GGT7: variants seen among roughly 807,000 people sequenced by gnomAD.
GGT7 encodes the protein gamma-glutamyltransferase 7.
Under a neutral mutation model 69.2 loss-of-function variants are expected in GGT7, and 30 were observed. The ratio of observed to expected loss-of-function variants is 0.43; its 90% confidence interval spans 0.32 to 0.59. GGT7 has a LOEUF of 0.59. Among genes scored for constraint, GGT7 ranks in the 20% least tolerant of loss-of-function variants. GGT7 has a pLI of 0.05. For missense variants in GGT7, 733 were observed against 901.1 expected, an observed-to-expected ratio of 0.81 and a Z score of 2.39; for synonymous variants, 388 against 391.8, an observed-to-expected ratio of 0.99 and a Z score of 0.12.
chr20:34,859,670 C>T (rs367924034), intron 6 of GGT7, 31 bp from the exon 7 acceptor site: 39 of 1,534,544 alleles, frequency 2.5e-5, no homozygotes, highest in East Asian at 1.4e-4. Flanking sequence ...CTGGGCAGGG[C>T]GGGACGCCAG....
intron 6 of GGT7, 80 bp downstream of exon 6, chr20:34,859,889 T>G: frequency 9.4e-7 from 1 of 1,066,822 alleles, no homozygotes. Context: ...AGGGCCTCTC[T>G]GGCTTGGGCT....
rs1173282356 is a variant in GGT7 at position 34,863,659 on chromosome 20, G to T, written c.170-111C>A. 5 of 758,680 alleles carry T rather than the reference G, an allele frequency of 6.6e-6. No homozygotes were observed. Among genetic ancestry groups the T allele is most frequent in the African/African-American group, 1.7e-5 (1 of 58,160 alleles). 47.0% of individuals were successfully genotyped at this position (758,680 alleles called of 1,614,324 possible). The stretch of plus-strand genomic sequence containing the variant: ...GCCCCGCCCCTGCCACACAATCCCC[G>T]CACTGGCTAGCACTACTCACCTTTC... On this transcript the variant is annotated intron_variant, in intron 1 of 14. Coordinates refer to ENST00000336431, the MANE Select transcript of GGT7 (RefSeq NM_178026.3). This position sits in a 1 kb window ranked among gnomAD's most constrained non-coding sequence, Gnocchi z 4.4.
At position 34,863,109 on chromosome 20, in the gene GGT7, T is replaced by G. The variant is rs961413690; in HGVS notation, c.406-144A>C. 3.6e-6 allele frequency: 3 copies of G among 834,896 alleles called. No individual in the cohort carries two copies. The highest frequency in any genetic ancestry group is 1.7e-5 in the South Asian group (1 of 57,710). The allele number at this position is 834,896 out of a possible 1,614,324, so 51.7% of individuals were successfully genotyped here. On this transcript the variant is annotated intron_variant, in intron 2 of 14. Transcript: ENST00000336431. The surrounding 1 kb of genome is among the most constrained non-coding windows in gnomAD (Gnocchi z 4.4). ...TTGACTCTGCCCTCATTACCCCAAG[T>G]GCCTCCTAATGGATCTGTCCTTATT...
At chr20:34,861,403 G>A in intron 4 of GGT7, 42 bp downstream of exon 4, 5 of 993,326 alleles carry the variant, frequency 5.0e-6, no homozygotes, top group Non-Finnish European at 7.5e-6. Flanking sequence ...GGGCAATGAA[G>A]AGAGACTCCC....
In GGT7 at chr20:34,863,358, A is replaced by T. The variant is rs1342003669; in HGVS notation, c.360T>A (p.Gly120=). The T allele has an allele frequency of 3.7e-6, 6 of 1,613,574 alleles. No homozygotes were observed. The highest frequency in any genetic ancestry group is 5.1e-6 in the Non-Finnish European group (6 of 1,179,872). ...IVTACLTFAT[G]VTVALVMQIY... ...TCTGCATGACCAGCGCCACGGTGAC[A>T]CCGGTAGCGAAGGTGAGACAGGCCG... is the stretch of plus-strand genomic sequence containing the variant. The change falls in exon 2 of 15, where the codon GGT becomes GGA. Residue 120 remains glycine (G), a synonymous_variant. Transcript: ENST00000336431. The surrounding 1 kb of genome is among the most constrained non-coding windows in gnomAD (Gnocchi z 4.4).
At chr20:34,868,681 G>C (rs1164449053) in intron 1 of GGT7, among the ~76,000 whole-genome samples, 1 of 152,158 alleles carries the variant, frequency 6.6e-6, no homozygotes, top group African/African-American at 2.4e-5. Flanking sequence ...AGGTACCTCT[G>C]TGCAGTAACA....
chr20:34,853,805 G>A (rs1025004687), intron 10 of GGT7, among the ~76,000 whole-genome samples: 1 of 152,188 alleles, frequency 6.6e-6, no homozygotes, highest in African/African-American at 2.4e-5. Flanking sequence ...ACTTGCCCAA[G>A]GCTGCACAGC....
chr20:34,869,111 G>T (rs191701314), intron 1 of GGT7, among the ~76,000 whole-genome samples: 6 of 152,008 alleles, frequency 3.9e-5, no homozygotes, highest in African/African-American at 1.4e-4. Context: ...GTCATCCCTG[G>T]CTTGTTGTTT....
At position 34,860,062 on chromosome 20, in the gene GGT7, G is replaced by A. The variant is rs760341678; in HGVS notation, c.744-20C>T. ...GGCAGCCTGGGGGGGCCGGAGAGCA[G>A]GGGGTGGAGGAGGTCCTGGGGGAAT... On this transcript the variant is annotated intron_variant, in intron 5 of 14. Coordinates refer to ENST00000336431, the MANE Select transcript of GGT7 (RefSeq NM_178026.3). The A allele has an allele frequency of 2.5e-5, 35 of 1,405,302 alleles. No individual in the cohort carries two copies. Among genetic ancestry groups the A allele is most frequent in the Non-Finnish European group, 3.5e-5 (35 of 1,011,018 alleles). 87.1% of individuals were successfully genotyped at this position (1,405,302 alleles called of 1,614,324 possible). A position where few individuals can be genotyped will look rare whatever the true frequency, so the allele number is the denominator to read the frequency against.
rs574649166 is a variant in GGT7 at position 34,868,942 on chromosome 20, C to T, written c.169+3705G>A. On this transcript the variant is annotated intron_variant, in intron 1 of 14. Transcript: ENST00000336431. ...TTTTAGGTACCTTAATCCAGCTATG[C>T]CTGAAACCCCATATCCCTGGACTTT... Among the ~76,000 whole-genome samples the T allele has an allele frequency of 1.7e-4, 26 of 152,220 alleles. No individual in the cohort carries two copies. The South Asian group carries it at 5.4e-3, about 32-fold the overall frequency.
chr20:34,859,750 A>T, intron 6 of GGT7, 111 bp from the exon 7 acceptor site: 1 of 944,396 alleles, frequency 1.1e-6, no homozygotes, highest in South Asian at 1.6e-5. Flanking sequence ...AAGTGCCCTG[A>T]CCCCCAGGAG....
rs1365527006 is a variant in GGT7, at chr20:34,856,892, G to A, written c.1016C>T (p.Ala339Val). 1.3e-6 allele frequency: 2 copies of A among 1,599,292 alleles called. No individual in the cohort carries two copies. Among genetic ancestry groups the A allele is most frequent in the East Asian group, 2.2e-5 (1 of 44,750 alleles). ...GNLTLEMVAE[A>V]QHAGGVITEE... is the part of the protein sequence containing the mutation. Reference sequence around the variant, plus strand: ...GGTTATGACACCCCCTGCGTGCTGAGCCTGGAGGGAAGAGAATGAGGGAAT... The same window carrying A: ...GGTTATGACACCCCCTGCGTGCTGAACCTGGAGGGAAGAGAATGAGGGAAT... Residue 339 changes from alanine (A) to valine (V), a missense_variant and splice_region_variant, in exon 8 of 15, where the codon GCT becomes GTT. Physicochemically the swap from Ala to Val is moderately conservative, Grantham distance 64. Coordinates refer to ENST00000336431, the MANE Select transcript of GGT7 (RefSeq NM_178026.3).
intron 7 of GGT7, 134 bp from the exon 8 acceptor site, chr20:34,857,027 A>G: frequency 1.5e-6 from 1 of 684,408 alleles, no homozygotes; most frequent in Non-Finnish European, 2.7e-6. Flanking sequence ...CGTGGCCTTT[A>G]GAGACCCCAT....
chr20:34,859,425 C>T lies in GGT7; in HGVS notation c.1014+18G>A, dbSNP rs1388165109. ...GGACCTTGGGGCATGCCCCCACCCG[C>T]ACAACACGAGCACTTACCTCGGCCA... On this transcript the variant is annotated intron_variant, in intron 7 of 14. Coordinates refer to ENST00000336431, the MANE Select transcript of GGT7 (RefSeq NM_178026.3). 5 of 1,554,294 alleles carry T rather than the reference C, an allele frequency of 3.2e-6. No individual in the cohort carries two copies. The highest frequency in any genetic ancestry group is 4.4e-6 in the Non-Finnish European group (5 of 1,141,816).
intron 14 of GGT7, 88 bp downstream of exon 14, chr20:34,849,873 T>C: frequency 1.4e-6 from 1 of 701,912 alleles, no homozygotes; most frequent in Non-Finnish European, 2.4e-6. Context: ...TGGCAGTTGG[T>C]GCTGGTTGAG....
Position 34,859,442 on chromosome 20 carries a change from C to T in GGT7, c.1014+1G>A, listed in dbSNP as rs1361649152. The stretch of plus-strand genomic sequence containing the variant: ...CCCACCCGCACAACACGAGCACTTA[C>T]CTCGGCCACCATCTCCAGTGTGAGG... On this transcript the variant is annotated splice_donor_variant, in intron 7 of 14. Transcript: ENST00000336431. LOFTEE classifies it high-confidence loss of function. The T allele has an allele frequency of 1.3e-5, 20 of 1,576,648 alleles. No individual in the cohort carries two copies. The highest frequency in any genetic ancestry group is 1.7e-5 in the Non-Finnish European group (20 of 1,153,650).
At chr20:34,861,393 G>A in intron 4 of GGT7, 52 bp downstream of exon 4, 1 of 815,200 alleles carries the variant, frequency 1.2e-6, no homozygotes, top group South Asian at 2.0e-5. Context: ...GTTAGCAGAA[G>A]GGCAATGAAG....
chr20:34,857,159 T>G (rs2079507183), intron 7 of GGT7, among the ~76,000 whole-genome samples: 2 of 152,202 alleles, frequency 1.3e-5, no homozygotes, highest in Admixed American at 1.3e-4. Context: ...CATTCAAGAC[T>G]TTTTGTGATC....
At chr20:34,859,671 G>A (rs372407136) in intron 6 of GGT7, 32 bp from the exon 7 acceptor site, 140 of 1,528,780 alleles carry the variant, frequency 9.2e-5, no homozygotes, top group South Asian at 3.9e-4. Flanking sequence ...TGGGCAGGGC[G>A]GGACGCCAGG....
Sources: allele counts gnomAD v4.1 joint callset (sites outside exome capture counted in the v4.1 genomes callset), GRCh38; gene constraint gnomAD v4.1.1; non-coding constraint Gnocchi (gnomAD v3.1); transcripts MANE v1.5; gene names NCBI Gene and HGNC (gene_info 2026-07-23, HGNC 2026-07-21).